Variants in STPG2 observed in about 807,000 individuals in gnomAD.
STPG2 encodes the protein sperm-tail PG-rich repeat-containing protein 2.
Under a neutral mutation model 54.2 loss-of-function variants are expected in STPG2, and 56 were observed. The ratio of observed to expected loss-of-function variants is 1.03; its 90% CI spans 0.83 to 1.29. The LOEUF (loss-of-function observed/expected upper bound fraction) is 1.29. Among genes scored for constraint, STPG2 ranks in the 50% most tolerant of loss-of-function variants. The probability of loss-of-function intolerance (pLI) is 0.00; values close to 1 mark genes in which losing one functional copy is unlikely to be tolerated. For synonymous variants in STPG2, 200 were observed against 181.8 expected (o/e 1.10, Z -0.81); for missense variants, 596 against 544.9 (o/e 1.09, Z -0.93).
intron 10 of STPG2, among the ~76,000 whole-genome samples, chr4:97,582,533 T>C (rs1164967967): frequency 6.6e-6 from 1 of 152,106 alleles, no homozygotes; most frequent in East Asian, 1.9e-4. Flanking sequence ...ATTTTATCTT[T>C]CTGATTATGT....
At chr4:98,115,830 C>T (rs1457007669) in intron 3 of STPG2, among the ~76,000 whole-genome samples, 1 of 151,990 alleles carries the variant, frequency 6.6e-6, no homozygotes, top group Non-Finnish European at 1.5e-5. Context: ...CCTTCAGCTA[C>T]TGAGCTTTGC....
chr4:97,698,039 C>A (rs912789927), intron 10 of STPG2, among the ~76,000 whole-genome samples: 1 of 152,220 alleles, frequency 6.6e-6, no homozygotes, highest in Admixed American at 6.5e-5. Flanking sequence ...TGATTTCCCA[C>A]TCCACACTCT....
At chr4:97,999,637 G>A in intron 5 of STPG2, among the ~76,000 whole-genome samples, 1 of 151,968 alleles carries the variant, frequency 6.6e-6, no homozygotes, top group South Asian at 2.1e-4. Context: ...AGGCAGAGGT[G>A]GCAGTGAGCT....
intron 7 of STPG2, among the ~76,000 whole-genome samples, chr4:97,952,196 T>G (rs556175303): frequency 6.6e-6 from 1 of 152,172 alleles, no homozygotes; most frequent in South Asian, 2.1e-4. Context: ...CCTGAAATGT[T>G]TGAAAAAGGT....
Position 97,733,676 on chromosome 4 carries a change from G to C in STPG2, c.1205-20862C>G, listed in dbSNP as rs531536101. Among the ~76,000 whole-genome samples, 3 of 152,230 alleles carry C rather than the reference G, an allele frequency of 2.0e-5. No homozygotes were observed. The South Asian group carries it at 6.2e-4, about 32-fold the overall frequency. ...GCCCATGGTGAGAGTGTGTTGTCCT[G>C]CAGTTCCTTCACTCACCCCTTCCCT... is the stretch of plus-strand genomic sequence containing the variant. On this transcript the variant is annotated intron_variant, in intron 9 of 10. Transcript: ENST00000295268.
intron 7 of STPG2, among the ~76,000 whole-genome samples, chr4:97,964,258 A>T (rs1269386197): frequency 6.6e-6 from 1 of 152,132 alleles, no homozygotes; most frequent in Non-Finnish European, 1.5e-5. Flanking sequence ...CAAAATAAAC[A>T]CTAGCACACA....
At chr4:97,907,465 G>A (rs1478650154) in intron 8 of STPG2, among the ~76,000 whole-genome samples, 1 of 152,232 alleles carries the variant, frequency 6.6e-6, no homozygotes, top group East Asian at 1.9e-4. Flanking sequence ...CAGATTCAAT[G>A]CCATCCCCAT....
intron 8 of STPG2, among the ~76,000 whole-genome samples, chr4:97,918,080 C>A (rs1275381863): frequency 6.7e-6 from 1 of 150,132 alleles, no homozygotes; most frequent in African/African-American, 2.5e-5. Context: ...TAAAAAAAAA[C>A]CTAAATCTCA....
At chr4:98,017,392 G>C (rs894218077) in intron 5 of STPG2, among the ~76,000 whole-genome samples, 2 of 152,200 alleles carry the variant, frequency 1.3e-5, no homozygotes, top group Non-Finnish European at 2.9e-5. Context: ...GTGTAGGTTT[G>C]TTGGGTACAT....
At chr4:97,808,661 TA>T (rs1307494062) in intron 9 of STPG2, among the ~76,000 whole-genome samples, 1 of 138,024 alleles carries the variant, frequency 7.2e-6, no homozygotes, top group Non-Finnish European at 1.6e-5. Context: ...AATTAAAAGA[TA>T]AAAATTTTTA....
At chr4:98,026,863 C>T (rs774946985) in intron 5 of STPG2, among the ~76,000 whole-genome samples, 1 of 152,266 alleles carries the variant, frequency 6.6e-6, no homozygotes, top group South Asian at 2.1e-4. Flanking sequence ...CCTACATAAG[C>T]TGTTTTAGTA....
chr4:97,740,667 A>T (rs1333948488), intron 9 of STPG2, among the ~76,000 whole-genome samples: 1 of 152,178 alleles, frequency 6.6e-6, no homozygotes, highest in Non-Finnish European at 1.5e-5. Flanking sequence ...GATGTGAAGG[A>T]CCTCTTCAAG....
At chr4:97,463,036 T>C (rs904622200) in intron 4 of STPG2, among the ~76,000 whole-genome samples, 9 of 152,178 alleles carry the variant, frequency 5.9e-5, no homozygotes, top group African/African-American at 1.7e-4. Context: ...TTTATCCTTT[T>C]ATTTCTGAAT....
chr4:97,477,891 A>C (rs922527215), intron 4 of STPG2, among the ~76,000 whole-genome samples: 15 of 152,108 alleles, frequency 9.9e-5, no homozygotes, highest in African/African-American at 3.4e-4. Context: ...AGTTTACATT[A>C]ATTCAACACA....
At chr4:97,737,969 G>A (rs1177089347) in intron 9 of STPG2, among the ~76,000 whole-genome samples, 4 of 152,088 alleles carry the variant, frequency 2.6e-5, no homozygotes, top group African/African-American at 7.2e-5. Flanking sequence ...GAGAAAGGTC[G>A]GGTTACCCAC....
intron 8 of STPG2, among the ~76,000 whole-genome samples, chr4:97,854,782 T>C (rs1023652538): frequency 2.6e-5 from 4 of 152,176 alleles, no homozygotes; most frequent in Admixed American, 6.5e-5. Flanking sequence ...ATGTGCAGCA[T>C]GTGCAGGTTT....
At chr4:97,680,497 T>C (rs535493573) in intron 10 of STPG2, among the ~76,000 whole-genome samples, 1 of 152,300 alleles carries the variant, frequency 6.6e-6, no homozygotes, top group African/African-American at 2.4e-5. Context: ...GAGACTTTGC[T>C]GAAGTTGCTT....
chr4:97,527,173 T>A (rs1731299103), intron 4 of STPG2, among the ~76,000 whole-genome samples: 3 of 151,944 alleles, frequency 2.0e-5, no homozygotes. Flanking sequence ...TGACAGACCC[T>A]GGTGTGTGAT....
chr4:98,143,206 C>CAAGGTAGCTAGAAGTGTGGAGAAA lies in STPG2; in HGVS notation c.-80_-57dup. The CAAGGTAGCTAGAAGTGTGGAGAAA allele has an allele frequency of 7.2e-7, 1 of 1,393,926 alleles. No individual in the cohort carries two copies. The highest frequency in any genetic ancestry group is 1.0e-6 in the Non-Finnish European group (1 of 995,878). 86.3% of individuals were successfully genotyped at this position (1,393,926 alleles called of 1,614,324 possible). ...GGGCAGGTGCCGAAAACGATAAAAA[C>CAAGGTAGCTAGAAGTGTGGAGAAA]AAGGTAGCTAGAAGTGTGGAGAAAA... On this transcript the variant is annotated 5_prime_UTR_variant, in exon 1 of 11. Transcript: ENST00000295268.
Sources: gnomAD v4.1 joint callset for allele counts (sites outside exome capture counted in the v4.1 genomes callset) on GRCh38, gnomAD v4.1.1 for gene constraint, MANE v1.5 for transcripts, NCBI Gene and HGNC (gene_info 2026-07-23, HGNC 2026-07-21) for gene names.